The following ARK2C variants were observed in gnomAD, a reference collection of about 807,000 sequenced individuals.
ARK2C encodes E3 ubiquitin-protein ligase ARK2C.
chr18:46,345,457 G>A, the ARK2C span, among the ~76,000 whole-genome samples: 1 of 152,182 alleles, frequency 6.6e-6, no homozygotes, highest in Non-Finnish European at 1.5e-5. Context: ...GAGGAGGGAG[G>A]CATCAGGTTC....
chr18:46,438,712 C>G, the ARK2C span, among the ~76,000 whole-genome samples: 2 of 152,174 alleles, frequency 1.3e-5, no homozygotes, highest in Non-Finnish European at 2.9e-5. Flanking sequence ...ATATGAGGGG[C>G]TGACCTAGTG....
At chr18:46,383,581 G>C in the ARK2C span, among the ~76,000 whole-genome samples, 1 of 131,228 alleles carries the variant, frequency 7.6e-6, no homozygotes, top group Non-Finnish European at 1.6e-5. Context: ...TTGAGACGGA[G>C]TCTCACTCTG....
At chr18:46,335,959 AC>A in the ARK2C span, 1 of 985,024 alleles carries the variant, frequency 1.0e-6, no homozygotes, top group African/African-American at 1.8e-5. Context: ...GTATTGTGAC[AC>A]CCTCTTAACC....
At chr18:46,400,273 T>G in the ARK2C span, among the ~76,000 whole-genome samples, 1 of 152,206 alleles carries the variant, frequency 6.6e-6, no homozygotes, top group Non-Finnish European at 1.5e-5. Flanking sequence ...CCTGGGGGAC[T>G]CTCTTTACTT....
chr18:46,383,637 C>G, the ARK2C span, among the ~76,000 whole-genome samples: 1 of 147,238 alleles, frequency 6.8e-6, no homozygotes, highest in African/African-American at 2.5e-5. Context: ...TCACTGCAAG[C>G]TCTGCCTCCA....
the ARK2C span, among the ~76,000 whole-genome samples, chr18:46,358,266 C>T: frequency 6.6e-6 from 1 of 152,204 alleles, no homozygotes; most frequent in East Asian, 1.9e-4. Flanking sequence ...GTGGACAGGG[C>T]AGTGGGCTCC....
the ARK2C span, among the ~76,000 whole-genome samples, chr18:46,397,901 G>T: frequency 3.0e-4 from 31 of 104,044 alleles, no homozygotes; most frequent in East Asian, 2.6e-3. Flanking sequence ...GGTGTGAGGG[G>T]GTGTGTGCAT....
the ARK2C span, among the ~76,000 whole-genome samples, chr18:46,362,539 C>G: frequency 6.6e-6 from 1 of 152,156 alleles, no homozygotes; most frequent in Non-Finnish European, 1.5e-5. Context: ...CCTGCAAACC[C>G]TGAAGAACAG....
the ARK2C span, among the ~76,000 whole-genome samples, chr18:46,424,447 G>A: frequency 1.3e-5 from 2 of 152,168 alleles, no homozygotes; most frequent in African/African-American, 4.8e-5. Context: ...GAGGGATTTC[G>A]AAGGTCAGCG....
the ARK2C span, among the ~76,000 whole-genome samples, chr18:46,422,498 A>C: frequency 6.6e-6 from 1 of 152,240 alleles, no homozygotes; most frequent in African/African-American, 2.4e-5. Context: ...GTCTTTGGAC[A>C]TGGGCCTCCT....
the ARK2C span, among the ~76,000 whole-genome samples, chr18:46,398,661 A>G: frequency 6.6e-6 from 1 of 151,932 alleles, no homozygotes; most frequent in Non-Finnish European, 1.5e-5. Context: ...GCAGGGGTCC[A>G]CGCTGCTGAA....
At chr18:46,354,961 A>G in the ARK2C span, among the ~76,000 whole-genome samples, 54 of 152,112 alleles carry the variant, frequency 3.6e-4, no homozygotes, top group East Asian at 8.9e-3. Context: ...ATATATACAT[A>G]TTTTTTGAGA....
the ARK2C span, among the ~76,000 whole-genome samples, chr18:46,411,132 T>A: frequency 2.0e-5 from 3 of 152,172 alleles, no homozygotes; most frequent in Admixed American, 1.3e-4. Flanking sequence ...TAGCACCTGA[T>A]AATTTTGAGA....
the ARK2C span, among the ~76,000 whole-genome samples, chr18:46,353,329 T>A: frequency 6.6e-6 from 1 of 152,168 alleles, no homozygotes; most frequent in Admixed American, 6.5e-5. Flanking sequence ...CATCGTGACC[T>A]CCTCCATGGA....
chr18:46,450,935 G>A, the ARK2C span: 31 of 659,922 alleles, frequency 4.7e-5, no homozygotes, highest in South Asian at 5.2e-4. Context: ...ATGCTCTAAA[G>A]CTGTAATAAC....
chr18:46,405,819 G>A, the ARK2C span, among the ~76,000 whole-genome samples: 1 of 152,062 alleles, frequency 6.6e-6, no homozygotes, highest in Non-Finnish European at 1.5e-5. Flanking sequence ...CTTAAGGTTT[G>A]GGGTTACTGC....
At chr18:46,361,409 G>A in the ARK2C span, among the ~76,000 whole-genome samples, 1 of 152,132 alleles carries the variant, frequency 6.6e-6, no homozygotes, top group Non-Finnish European at 1.5e-5. Flanking sequence ...CTGTACATAT[G>A]CAGCATATAT....
chr18:46,436,311 G>T, the ARK2C span, among the ~76,000 whole-genome samples: 26 of 152,138 alleles, frequency 1.7e-4, no homozygotes, highest in Non-Finnish European at 2.8e-4. Context: ...TATACATTGT[G>T]GGGGAGAGAG....
the ARK2C span, chr18:46,458,172 G>A: frequency 2.0e-5 from 3 of 152,552 alleles, no homozygotes; most frequent in Non-Finnish European, 2.9e-5. Context: ...GGGGTGTCGG[G>A]ATGGGGGTGC....
Sources: gnomAD v4.1 joint callset for allele counts (sites outside exome capture counted in the v4.1 genomes callset) on GRCh38, gnomAD v4.1.1 for gene constraint, MANE v1.5 for transcripts, NCBI Gene and HGNC (gene_info 2026-07-23, HGNC 2026-07-21) for gene names.